DLG2: variants seen among roughly 807,000 people sequenced by gnomAD.
DLG2 encodes disks large homolog 2.
Under a neutral mutation model 132.5 loss-of-function variants are expected in DLG2, and 45 were observed. The observed-to-expected ratio is 0.34, with a 90% CI of 0.27 to 0.44. The LOEUF is 0.44. Ranked by LOEUF, DLG2 falls within the 20% of genes least tolerant of loss-of-function variation. The pLI is 1.00. For synonymous variants in DLG2, 424 were observed against 419.6 expected (o/e 1.01, Z -0.13); for missense variants, 1,045 against 1,196.9 (o/e 0.87, Z 1.87).
intron 8 of DLG2, among the ~76,000 whole-genome samples, chr11:84,240,250 T>C (rs565628062): frequency 1.1e-3 from 172 of 152,330 alleles, no homozygotes; most frequent in African/African-American, 3.4e-3. Context: ...ACTTGGGTCC[T>C]TTTAAGACCT....
At chr11:83,877,067 C>T (rs766215675) in intron 15 of DLG2, among the ~76,000 whole-genome samples, 14 of 151,932 alleles carry the variant, frequency 9.2e-5, no homozygotes, top group Non-Finnish European at 1.8e-4. Flanking sequence ...AATGGAAATG[C>T]TTATTAGTTT....
At chr11:84,222,376 T>C (rs1177191135) in intron 8 of DLG2, among the ~76,000 whole-genome samples, 4 of 152,024 alleles carry the variant, frequency 2.6e-5, no homozygotes, top group Admixed American at 1.3e-4. Flanking sequence ...TGACATTTAA[T>C]TGAGACACTG....
At chr11:84,577,525 C>G (rs1315550741) in intron 6 of DLG2, among the ~76,000 whole-genome samples, 5 of 152,118 alleles carry the variant, frequency 3.3e-5, no homozygotes, top group Admixed American at 3.3e-4. Flanking sequence ...TATGTTTTAG[C>G]AGAGACTGGC....
rs573898668 is a variant in DLG2 at position 85,560,368 on chromosome 11, G to T, written c.40+38289C>A. On this transcript the variant is annotated intron_variant, in intron 3 of 27. Transcript: ENST00000376104. ...CAGGGAAAGGAACTTTTTTAAATGTGATATGTGTATATTATGGAATATTAT... is the reference window on the plus strand; with the variant it reads ...CAGGGAAAGGAACTTTTTTAAATGTTATATGTGTATATTATGGAATATTAT... 2.6e-4 allele frequency among the ~76,000 whole-genome samples: 40 copies of T among 151,874 alleles called. 1 individual carries two copies. The highest frequency in any genetic ancestry group is 9.4e-4 in the African/African-American group (39 of 41,496).
intron 8 of DLG2, among the ~76,000 whole-genome samples, chr11:84,201,841 A>G (rs57738544): frequency 0.77 from 77,838 of 101,144 alleles, 30,701 homozygotes; most frequent in Middle Eastern, 0.87. Flanking sequence ...TTTTTTTGAG[A>G]TGGAGTCTCA....
chr11:83,860,178 G>A (rs1246551285), intron 16 of DLG2, among the ~76,000 whole-genome samples: 1 of 152,170 alleles, frequency 6.6e-6, no homozygotes, highest in East Asian at 1.9e-4. Flanking sequence ...TCCATACTGG[G>A]GCACCACCTA....
intron 3 of DLG2, among the ~76,000 whole-genome samples, chr11:85,548,383 G>A (rs575802810): frequency 2.4e-4 from 36 of 152,300 alleles, no homozygotes; most frequent in Non-Finnish European, 4.4e-4. Context: ...AGGGGCACCC[G>A]CCAGATGCCA....
intron 7 of DLG2, among the ~76,000 whole-genome samples, chr11:84,445,874 T>C (rs1379060640): frequency 2.2e-5 from 3 of 135,306 alleles, no homozygotes; most frequent in Non-Finnish European, 4.5e-5. Flanking sequence ...CGAGATGGTG[T>C]CACTGCACTC....
At chr11:84,618,045 T>G (rs987495404) in intron 6 of DLG2, among the ~76,000 whole-genome samples, 5 of 152,074 alleles carry the variant, frequency 3.3e-5, no homozygotes, top group African/African-American at 1.2e-4. Context: ...ATCTGTGCAC[T>G]GAAACTTAAA....
chr11:84,995,202 T>C (rs1031985465), intron 6 of DLG2, among the ~76,000 whole-genome samples: 1 of 152,188 alleles, frequency 6.6e-6, no homozygotes, highest in Non-Finnish European at 1.5e-5. Flanking sequence ...TATCTTACGG[T>C]AAAGATGAAA....
chr11:83,902,160 C>T (rs1044038714), intron 15 of DLG2, among the ~76,000 whole-genome samples: 1 of 152,178 alleles, frequency 6.6e-6, no homozygotes. Flanking sequence ...AATGTATTCA[C>T]TCTGGGCTAC....
chr11:84,758,394 G>A (rs963575377), intron 6 of DLG2, among the ~76,000 whole-genome samples: 2 of 152,194 alleles, frequency 1.3e-5, no homozygotes, highest in African/African-American at 4.8e-5. Context: ...AATGTTGTCT[G>A]TAAAATGAGG....
chr11:85,396,584 T>C (rs954756148), intron 3 of DLG2, among the ~76,000 whole-genome samples: 2 of 152,122 alleles, frequency 1.3e-5, no homozygotes, highest in Non-Finnish European at 2.9e-5. Flanking sequence ...AGATCTTAAA[T>C]GACCTGATGG....
At chr11:83,540,611 G>A (rs1334493290) in intron 20 of DLG2, among the ~76,000 whole-genome samples, 3 of 152,128 alleles carry the variant, frequency 2.0e-5, no homozygotes, top group Non-Finnish European at 4.4e-5. Flanking sequence ...GTTGTCTCGG[G>A]AGCACAAATA....
In DLG2 at chr11:84,229,117, G is replaced by A. The variant is rs192553254; in HGVS notation, c.573+22121C>T. On this transcript the variant is annotated intron_variant, in intron 8 of 27. Transcript: ENST00000376104. ...CTGAGAGACAAAATGACAAAGTCCT[G>A]TAAGAAAGGTCCAGATAAAATTCTT... Among the ~76,000 whole-genome samples, 19 of 152,238 alleles carry A rather than the reference G, an allele frequency of 1.2e-4. No homozygotes were observed. The East Asian group carries it at 3.1e-3, about 25-fold the overall frequency.
At chr11:84,287,034 T>A (rs1001804029) in intron 7 of DLG2, among the ~76,000 whole-genome samples, 3 of 152,178 alleles carry the variant, frequency 2.0e-5, no homozygotes, top group Admixed American at 6.6e-5. Context: ...GGTTTGATAA[T>A]GATGTTTATG....
chr11:84,849,729 A>G (rs1300663587), intron 6 of DLG2, among the ~76,000 whole-genome samples: 4 of 152,038 alleles, frequency 2.6e-5, no homozygotes, highest in South Asian at 4.1e-4. Context: ...CATTTCTTTT[A>G]TAGCACTTAC....
At chr11:84,969,620 G>A (rs1054320017) in intron 6 of DLG2, among the ~76,000 whole-genome samples, 1 of 152,122 alleles carries the variant, frequency 6.6e-6, no homozygotes, top group Admixed American at 6.6e-5. Context: ...TTCTTTGAGA[G>A]ACTAGAAAAA....
At chr11:84,559,359 A>G (rs1316615928) in intron 6 of DLG2, among the ~76,000 whole-genome samples, 1 of 152,128 alleles carries the variant, frequency 6.6e-6, no homozygotes, top group Non-Finnish European at 1.5e-5. Flanking sequence ...TAACTTAGGG[A>G]ACAATTAGAG....
Sources: gnomAD v4.1 joint callset for allele counts (sites outside exome capture counted in the v4.1 genomes callset) on GRCh38, gnomAD v4.1.1 for gene constraint, MANE v1.5 for transcripts, NCBI Gene and HGNC (gene_info 2026-07-23, HGNC 2026-07-21) for gene names.